AFF1: variants seen among roughly 807,000 people sequenced by gnomAD.
AFF1 encodes AF4/FMR2 family member 1.
AFF1 carries 48 observed loss-of-function variants against 121.7 expected under a neutral mutation model. The observed-to-expected ratio is 0.39, with a 90% CI of 0.31 to 0.50. The LOEUF (loss-of-function observed/expected upper bound fraction) is 0.50. Among genes scored for constraint, AFF1 ranks in the 20% least tolerant of loss-of-function variants. The pLI, the probability that AFF1 is intolerant of heterozygous loss-of-function variation, is 0.76. For synonymous variants in AFF1, 613 were observed against 563.0 expected, an observed-to-expected ratio of 1.09 and a Z score of -1.26; for missense variants, 1,523 against 1,511.7, an observed-to-expected ratio of 1.01 and a Z score of -0.12.
chr4:87,022,587 TCTATATC>T (rs1560547433), intron 2 of AFF1, among the ~76,000 whole-genome samples: 5 of 91,754 alleles, frequency 5.4e-5, no homozygotes, highest in Admixed American at 2.3e-4. Flanking sequence ...TATATATCTA[TCTATATC>T]TATCTGTGTG....
At chr4:87,071,501 A>G (rs1722050647) in intron 4 of AFF1, among the ~76,000 whole-genome samples, 2 of 152,052 alleles carry the variant, frequency 1.3e-5, no homozygotes, top group South Asian at 4.1e-4. Context: ...ATTCAAGTTG[A>G]AAGACCTTTA....
intron 2 of AFF1, among the ~76,000 whole-genome samples, chr4:86,970,251 G>A (rs1722849439): frequency 6.6e-6 from 1 of 152,188 alleles, no homozygotes. Context: ...ACTTTGGGAA[G>A]CCAAGGCAGC....
rs11351193 is a variant in AFF1 at position 87,127,164 on chromosome 4, C to A, written c.2903+47C>A. On this transcript the variant is annotated intron_variant, in intron 15 of 20. Coordinates refer to ENST00000395146, the MANE Select transcript of AFF1 (RefSeq NM_001166693.3). ...TCTTGCTCTGTTTTGTTTTGTTTTG[C>A]TTCCCCCCCCCACCAAGATAGAGTC... 4 of 674,924 alleles carry A rather than the reference C, an allele frequency of 5.9e-6. 1 individual carries two copies. The highest frequency in any genetic ancestry group is 2.0e-5 in the South Asian group (1 of 48,936). The allele number at this position is 674,924 out of a possible 1,614,324, so 41.8% of individuals were successfully genotyped here. A position where few individuals can be genotyped will look rare whatever the true frequency, so the allele number is the denominator to read the frequency against.
intron 2 of AFF1, among the ~76,000 whole-genome samples, chr4:86,992,328 G>A (rs1465224266): frequency 6.6e-6 from 1 of 152,130 alleles, no homozygotes; most frequent in Admixed American, 6.5e-5. Context: ...TAATATGGGT[G>A]AAGCACTTAG....
At chr4:87,080,454 C>T (rs1322152154) in intron 4 of AFF1, among the ~76,000 whole-genome samples, 1 of 152,172 alleles carries the variant, frequency 6.6e-6, no homozygotes, top group Non-Finnish European at 1.5e-5. Flanking sequence ...ATTCTTTGAC[C>T]ATGGTGTTAA....
chr4:87,108,382 G>A, intron 11 of AFF1, 67 bp downstream of exon 11: 1 of 1,551,550 alleles, frequency 6.4e-7, no homozygotes, highest in Non-Finnish European at 8.7e-7. Flanking sequence ...GTTAGAGTCA[G>A]TGCTGTGGGC....
chr4:87,096,858 C>T (rs1307320610), intron 8 of AFF1, among the ~76,000 whole-genome samples: 7 of 152,248 alleles, frequency 4.6e-5, no homozygotes, highest in South Asian at 2.1e-4. Context: ...ATCCTCCTGC[C>T]GCAGCTTCCT....
chr4:87,034,707 A>T (rs1015525023), intron 2 of AFF1, among the ~76,000 whole-genome samples: 15 of 152,022 alleles, frequency 9.9e-5, no homozygotes, highest in Admixed American at 9.2e-4. Flanking sequence ...AGCTGAGGCA[A>T]CTCTCTTGGT....
intron 2 of AFF1, among the ~76,000 whole-genome samples, chr4:87,004,072 C>A (rs1725912876): frequency 6.6e-6 from 1 of 152,186 alleles, no homozygotes; most frequent in South Asian, 2.1e-4. Flanking sequence ...ATTCCTGGGA[C>A]CTCACCCCAC....
intron 2 of AFF1, among the ~76,000 whole-genome samples, chr4:86,961,591 G>T (rs1054551262): frequency 2.0e-5 from 3 of 151,588 alleles, no homozygotes; most frequent in Non-Finnish European, 4.4e-5. Context: ...TGGGAAGGGG[G>T]GGCTGAGTGA....
At chr4:87,134,745 G>T (rs1560667355) in intron 20 of AFF1, 51 bp downstream of exon 20, 2 of 1,438,150 alleles carry the variant, frequency 1.4e-6, no homozygotes, top group Non-Finnish European at 1.9e-6. Flanking sequence ...GGATTGGGAG[G>T]AATAAACATT....
intron 2 of AFF1, among the ~76,000 whole-genome samples, chr4:87,019,347 C>T (rs1211254217): frequency 1.3e-5 from 2 of 152,168 alleles, no homozygotes; most frequent in Admixed American, 6.5e-5. Context: ...TCTCTGTGAC[C>T]TTCTCTTATC....
rs765794524 is a variant in AFF1 at position 87,134,629 on chromosome 4, C to T, written c.3470C>T (p.Thr1157Ile). The T allele has an allele frequency of 3.1e-6, 5 of 1,614,202 alleles. No individual in the cohort carries two copies. The highest frequency in any genetic ancestry group is 3.3e-5 in the Admixed American group (2 of 60,030). Residue 1157 changes from threonine to isoleucine, a missense_variant, in exon 20 of 21, where the codon ACA (threonine) becomes ATA (isoleucine). By Grantham distance (89) the Thr-to-Ile change is moderately conservative. Transcript: ENST00000395146. ...QNMTSSYVTI[T>I]SHVLTAFDLW... is the part of the protein sequence containing the mutation. The stretch of plus-strand genomic sequence containing the variant: ...ATGACATCTTCCTATGTCACCATCA[C>T]ATCCCATGTTCTTACCGCCTTTGAC...
At chr4:87,013,259 C>T (rs1003427383) in intron 2 of AFF1, among the ~76,000 whole-genome samples, 2 of 151,828 alleles carry the variant, frequency 1.3e-5, no homozygotes, top group African/African-American at 2.4e-5. Flanking sequence ...AGGATGGTCT[C>T]GAACTCCAGA....
chr4:87,096,225 A>ATGAT (rs1384282176), intron 8 of AFF1, among the ~76,000 whole-genome samples: 1 of 151,340 alleles, frequency 6.6e-6, no homozygotes, highest in Admixed American at 6.6e-5. Context: ...ATACTGGTAG[A>ATGAT]TGATGAGGTT....
rs754667437 is a variant in AFF1 at position 87,135,740 on chromosome 4, T to G, written c.*39T>G. On this transcript the variant is annotated 3_prime_UTR_variant, in exon 21 of 21. Transcript: ENST00000395146. The stretch of plus-strand genomic sequence containing the variant: ...TGATTCAATGCCTTGGGAACTATTT[T>G]TGCACATTGGAAGCCTCAAAAACAG... The G allele has an allele frequency of 4.4e-6, 7 of 1,592,118 alleles. No individual in the cohort carries two copies. The African/African-American group carries it at 9.4e-5, about 21-fold the overall frequency.
At chr4:87,089,894 A>G (rs999964229) in intron 5 of AFF1, 90 bp from the exon 6 acceptor site, 4 of 956,834 alleles carry the variant, frequency 4.2e-6, no homozygotes, top group South Asian at 1.4e-5. Context: ...TTTATGATCA[A>G]TCCATTCTAC....
intron 11 of AFF1, among the ~76,000 whole-genome samples, chr4:87,109,366 G>A (rs1428188402): frequency 1.3e-5 from 2 of 152,226 alleles, no homozygotes; most frequent in Non-Finnish European, 2.9e-5. Context: ...TCTGTTAGAT[G>A]CGAATCTATG....
At chr4:86,964,873 C>G (rs931308000) in intron 2 of AFF1, among the ~76,000 whole-genome samples, 1 of 152,234 alleles carries the variant, frequency 6.6e-6, no homozygotes, top group Non-Finnish European at 1.5e-5. Context: ...TTTCCTCCAT[C>G]TCATATATCC....
Sources: allele counts gnomAD v4.1 joint callset (sites outside exome capture counted in the v4.1 genomes callset), GRCh38; gene constraint gnomAD v4.1.1; transcripts MANE v1.5; gene names NCBI Gene and HGNC (gene_info 2026-07-23, HGNC 2026-07-21).